Variants in RBPJ observed in about 807,000 individuals in gnomAD.
The protein encoded by RBPJ is recombining binding protein suppressor of hairless.
A neutral mutation model predicts 67.8 loss-of-function variants in RBPJ; 9 were observed. The ratio of observed to expected loss-of-function variants is 0.13; its 90% CI spans 0.08 to 0.23. The LOEUF is 0.23. RBPJ is among the 10% of genes least tolerant of loss of function. The pLI is 1.00. For missense variants in RBPJ, 305 were observed against 595.6 expected (o/e 0.51, Z 5.08); for synonymous variants, 198 against 203.3 (o/e 0.97, Z 0.22).
chr4:26,411,908 C>T (rs1404344703), intron 3 of RBPJ, among the ~76,000 whole-genome samples: 2 of 150,978 alleles, frequency 1.3e-5, no homozygotes, highest in Admixed American at 1.3e-4. Context: ...GAGATCGAGA[C>T]CATCCTGGCT....
chr4:26,418,573 G>T (rs1734816867), intron 4 of RBPJ, among the ~76,000 whole-genome samples: 1 of 151,168 alleles, frequency 6.6e-6, no homozygotes, highest in Non-Finnish European at 1.5e-5. Context: ...AACCTTCTTG[G>T]TTCTTTTTTT....
the RBPJ span, among the ~76,000 whole-genome samples, chr4:26,149,635 C>T: frequency 1.0e-2 from 1,520 of 152,310 alleles, 31 homozygotes; most frequent in African/African-American, 0.035. Context: ...CTCTCTTTCT[C>T]ATGATCTATG....
intron 1 of RBPJ, among the ~76,000 whole-genome samples, chr4:26,335,619 T>C (rs77258304): frequency 4.8e-5 from 2 of 42,056 alleles, no homozygotes; most frequent in Middle Eastern, 0.016. Context: ...GCTTACTTCT[T>C]TTTTTTTTTT....
intron 1 of RBPJ, among the ~76,000 whole-genome samples, chr4:26,172,227 T>C (rs1716617381): frequency 6.6e-6 from 1 of 151,918 alleles, no homozygotes; most frequent in Non-Finnish European, 1.5e-5. Context: ...GTCCCATACA[T>C]ACAAACAGCT....
At chr4:26,388,290 G>A (rs968935255) in intron 2 of RBPJ, among the ~76,000 whole-genome samples, 1 of 152,050 alleles carries the variant, frequency 6.6e-6, no homozygotes, top group Non-Finnish European at 1.5e-5. Flanking sequence ...GTGATCCACG[G>A]TGCCCAGCCT....
intron 1 of RBPJ, among the ~76,000 whole-genome samples, chr4:26,170,835 A>G (rs1034272357): frequency 2.0e-5 from 3 of 152,256 alleles, no homozygotes; most frequent in East Asian, 3.8e-4. Context: ...CACGTCAGCC[A>G]TCAGACAAAT....
chr4:26,210,882 G>C (rs964238050), intron 1 of RBPJ, among the ~76,000 whole-genome samples: 1 of 150,796 alleles, frequency 6.6e-6, no homozygotes, highest in African/African-American at 2.4e-5. Context: ...CAACCGAAGA[G>C]CCTGGATGAA....
chr4:26,337,653 T>C (rs889002536), intron 1 of RBPJ, among the ~76,000 whole-genome samples: 2 of 151,672 alleles, frequency 1.3e-5, no homozygotes, highest in Admixed American at 1.3e-4. Flanking sequence ...GTATTTTCCT[T>C]GTGAAATATA....
the RBPJ span, among the ~76,000 whole-genome samples, chr4:26,115,298 C>A: frequency 6.6e-6 from 1 of 152,186 alleles, no homozygotes; most frequent in Non-Finnish European, 1.5e-5. Flanking sequence ...AATAAAGGAG[C>A]TAAAAAATGT....
intron 2 of RBPJ, 50 bp downstream of exon 2, chr4:26,386,441 A>T: frequency 8.0e-7 from 1 of 1,248,724 alleles, no homozygotes; most frequent in Non-Finnish European, 1.1e-6. Flanking sequence ...ATGAAAGTAT[A>T]AATCTTATTG....
intron 1 of RBPJ, among the ~76,000 whole-genome samples, chr4:26,220,512 C>G (rs1389397972): frequency 3.3e-5 from 5 of 152,046 alleles, no homozygotes; most frequent in Non-Finnish European, 7.4e-5. Flanking sequence ...AAATCCATGC[C>G]CGGACAGAGT....
chr4:26,278,845 G>A (rs1721163562), intron 1 of RBPJ, among the ~76,000 whole-genome samples: 1 of 152,158 alleles, frequency 6.6e-6, no homozygotes, highest in Non-Finnish European at 1.5e-5. Context: ...ATAGCTTTTG[G>A]TGGGAGTTCC....
intron 1 of RBPJ, among the ~76,000 whole-genome samples, chr4:26,251,847 C>CAAAAAAAA (rs769291407): frequency 2.0e-5 from 1 of 49,462 alleles, no homozygotes; most frequent in African/African-American, 8.1e-5. Context: ...GACTCCGTCT[C>CAAAAAAAA]AAAAAAAAAA....
chr4:26,334,834 C>T (rs1444309475), intron 1 of RBPJ, among the ~76,000 whole-genome samples: 4 of 152,184 alleles, frequency 2.6e-5, no homozygotes, highest in Non-Finnish European at 5.9e-5. Context: ...ACTATCTCCA[C>T]TTCTTGATTA....
rs552865810 is a variant in RBPJ, at chr4:26,433,404, A to G, written c.*2397A>G. On this transcript the variant is annotated 3_prime_UTR_variant, in exon 11 of 11. Transcript: ENST00000355476. ...AGGTTTGGTATTTAGTTAAGGAATCATATTAAATTAACCAATAACAAAAGA... is the reference window on the plus strand; with the variant it reads ...AGGTTTGGTATTTAGTTAAGGAATCGTATTAAATTAACCAATAACAAAAGA... The G allele has an allele frequency of 3.3e-5, 5 of 152,354 alleles. No individual in the cohort carries two copies. Among genetic ancestry groups the G allele is most frequent in the South Asian group, 2.1e-4 (1 of 4,830 alleles). 9.4% of individuals were successfully genotyped at this position (152,354 alleles called of 1,614,324 possible).
At chr4:26,136,551 C>A in the RBPJ span, among the ~76,000 whole-genome samples, 1 of 152,158 alleles carries the variant, frequency 6.6e-6, no homozygotes, top group African/African-American at 2.4e-5. Flanking sequence ...CAGTCAGCTA[C>A]CCCCATCCCT....
the RBPJ span, among the ~76,000 whole-genome samples, chr4:26,151,857 T>C: frequency 6.6e-6 from 1 of 152,222 alleles, no homozygotes; most frequent in African/African-American, 2.4e-5. Flanking sequence ...TCTTCTCCTG[T>C]CTGGAAAAGG....
chr4:26,381,675 G>C lies in RBPJ; in HGVS notation c.21-4678G>C, dbSNP rs570517678. 2.0e-5 allele frequency among the ~76,000 whole-genome samples: 3 copies of C among 152,250 alleles called. No homozygotes were observed. In the East Asian group the frequency reaches 5.8e-4, roughly 29 times the overall value. ...CCTTACTGGGTGGTGATGGTAAGCA[G>C]ATGTTTTCTTTCTTCCCACTATCAG... On this transcript the variant is annotated intron_variant, in intron 1 of 10. Transcript: ENST00000355476.
intron 1 of RBPJ, among the ~76,000 whole-genome samples, chr4:26,360,641 T>C (rs2109493351): frequency 6.7e-6 from 1 of 149,662 alleles, no homozygotes; most frequent in East Asian, 2.0e-4. Context: ...TCACCCAGGC[T>C]GGAGTGTAGT....
Sources: allele counts gnomAD v4.1 joint callset (sites outside exome capture counted in the v4.1 genomes callset), GRCh38; gene constraint gnomAD v4.1.1; transcripts MANE v1.5; gene names NCBI Gene and HGNC (gene_info 2026-07-23, HGNC 2026-07-21).